The following XKR4 variants were observed in gnomAD, a reference collection of about 807,000 sequenced individuals.
The protein encoded by XKR4 is XK related 4.
XKR4 carries 12 observed loss-of-function variants against 53.9 expected under a neutral mutation model. The ratio of observed to expected loss-of-function variants is 0.22; its 90% CI spans 0.14 to 0.36. The LOEUF is 0.36. XKR4 is among the 10% of genes least tolerant of loss of function. The pLI is 1.00. For missense variants in XKR4, 799 were observed against 859.5 expected (o/e 0.93, Z 0.88); for synonymous variants, 354 against 362.4 (o/e 0.98, Z 0.26).
At chr8:55,185,759 T>G (rs1457964104) in intron 1 of XKR4, among the ~76,000 whole-genome samples, 1 of 152,184 alleles carries the variant, frequency 6.6e-6, no homozygotes, top group East Asian at 1.9e-4. Context: ...GATTATTCAC[T>G]CATTAATGGA....
At chr8:55,439,337 A>AAATTCTCTAAACAGGG (rs11274690) in intron 2 of XKR4, among the ~76,000 whole-genome samples, 83,561 of 151,112 alleles carry the variant, frequency 0.55, 24,685 homozygotes, top group African/African-American at 0.76. Flanking sequence ...TTCCCAATCA[A>AAATTCTCTAAACAGGG]AATTCTCTAA....
chr8:55,173,236 G>A (rs181099470), intron 1 of XKR4, among the ~76,000 whole-genome samples: 1 of 152,094 alleles, frequency 6.6e-6, no homozygotes, highest in African/African-American at 2.4e-5. Flanking sequence ...CAATTGGATG[G>A]GTACTGCACG....
At chr8:55,445,858 G>A (rs184509208) in intron 2 of XKR4, among the ~76,000 whole-genome samples, 7 of 152,330 alleles carry the variant, frequency 4.6e-5, no homozygotes, top group African/African-American at 1.4e-4. Flanking sequence ...ATGTACACAG[G>A]TGTTCAGTAC....
intron 1 of XKR4, among the ~76,000 whole-genome samples, chr8:55,306,582 A>G (rs1250670589): frequency 6.6e-6 from 1 of 152,218 alleles, no homozygotes; most frequent in African/African-American, 2.4e-5. Context: ...CTTGTGCAAG[A>G]AAACTCCCAC....
intron 1 of XKR4, among the ~76,000 whole-genome samples, chr8:55,296,523 C>T (rs1236080772): frequency 2.0e-5 from 3 of 152,054 alleles, no homozygotes; most frequent in Non-Finnish European, 2.9e-5. Flanking sequence ...CTCCAATTTG[C>T]CAATACTATT....
intron 2 of XKR4, among the ~76,000 whole-genome samples, chr8:55,407,300 G>T (rs146127389): frequency 6.6e-6 from 1 of 152,192 alleles, no homozygotes; most frequent in Non-Finnish European, 1.5e-5. Flanking sequence ...GTGTGAAGCG[G>T]GGCTTTCGCA....
intron 2 of XKR4, among the ~76,000 whole-genome samples, chr8:55,374,337 A>G (rs1056382756): frequency 2.6e-5 from 4 of 152,230 alleles, no homozygotes; most frequent in Non-Finnish European, 4.4e-5. Flanking sequence ...CAGCATATGA[A>G]TAAGTGCTTA....
chr8:55,102,439 C>T lies in XKR4; in HGVS notation c.-50C>T. ...AGGAGGTGGCGGGAGGAGGAGACAGCGGGGAAAGGTGTCAGATAAAGGAGG... is the reference window on the plus strand; with the variant it reads ...AGGAGGTGGCGGGAGGAGGAGACAGTGGGGAAAGGTGTCAGATAAAGGAGG... On this transcript the variant is annotated 5_prime_UTR_variant, in exon 1 of 3. Coordinates refer to ENST00000327381, the MANE Select transcript of XKR4 (RefSeq NM_052898.2). The surrounding 1 kb of genome is among the most constrained non-coding windows in gnomAD (Gnocchi z 5.1). 5 of 1,513,664 alleles carry T rather than the reference C, an allele frequency of 3.3e-6. No homozygotes were observed. Among genetic ancestry groups the T allele is most frequent in the African/African-American group, 1.4e-5 (1 of 69,198 alleles). The allele number at this position is 1,513,664 out of a possible 1,614,324, so 93.8% of individuals were successfully genotyped here.
chr8:55,268,084 C>G (rs749226884), intron 1 of XKR4, among the ~76,000 whole-genome samples: 2 of 152,138 alleles, frequency 1.3e-5, no homozygotes, highest in African/African-American at 4.8e-5. Flanking sequence ...ATGTTCATTA[C>G]GCCAACTAAT....
intron 1 of XKR4, among the ~76,000 whole-genome samples, chr8:55,126,015 G>A (rs976755631): frequency 3.6e-4 from 55 of 152,038 alleles, no homozygotes; most frequent in African/African-American, 1.3e-3. Flanking sequence ...TTTTTTATGA[G>A]CAGTTATTAT....
rs1023694474 is a variant in XKR4, at chr8:55,534,350, C to A, written c.*10123C>A. ...ACCTTGGTTACGAGCTCAAAGATCA[C>A]GAATCTGATATTCTTTTTTTTTTTT... On this transcript the variant is annotated 3_prime_UTR_variant, in exon 3 of 3. Transcript: ENST00000327381. 1 of 132,350 alleles carries A rather than the reference C, an allele frequency of 7.6e-6. No homozygotes were observed. The highest frequency in any genetic ancestry group is 1.6e-5 in the Non-Finnish European group (1 of 63,644). The allele number at this position is 132,350 out of a possible 1,614,324, so 8.2% of individuals were successfully genotyped here. A position where few individuals can be genotyped will look rare whatever the true frequency, so the allele number is the denominator to read the frequency against.
intron 2 of XKR4, among the ~76,000 whole-genome samples, chr8:55,441,242 GA>G (rs11393915): frequency 0.11 from 17,185 of 151,264 alleles, 1,546 homozygotes; most frequent in East Asian, 0.37. Context: ...CCTGTCTCAA[GA>G]AAAAACATAA....
At chr8:55,323,343 C>T (rs1015791640) in intron 1 of XKR4, among the ~76,000 whole-genome samples, 3 of 152,170 alleles carry the variant, frequency 2.0e-5, no homozygotes, top group South Asian at 2.1e-4. Flanking sequence ...TACCCCTTTG[C>T]GGTCAATCCT....
At chr8:55,262,181 G>A (rs1030057831) in intron 1 of XKR4, among the ~76,000 whole-genome samples, 2 of 152,176 alleles carry the variant, frequency 1.3e-5, no homozygotes, top group Non-Finnish European at 1.5e-5. Context: ...ATTCTTTAAT[G>A]AAACATGTTA....
intron 2 of XKR4, among the ~76,000 whole-genome samples, chr8:55,417,493 G>T (rs983545578): frequency 6.6e-6 from 1 of 152,150 alleles, no homozygotes; most frequent in Non-Finnish European, 1.5e-5. Context: ...ATAGAATGCA[G>T]ATCCACATAT....
intron 1 of XKR4, among the ~76,000 whole-genome samples, chr8:55,256,468 G>A (rs546414469): frequency 6.6e-6 from 1 of 152,300 alleles, no homozygotes; most frequent in Non-Finnish European, 1.5e-5. Flanking sequence ...ATTGAAGTTG[G>A]GATGGAAAGG....
chr8:55,115,356 T>G (rs984060457), intron 1 of XKR4, among the ~76,000 whole-genome samples: 7 of 149,354 alleles, frequency 4.7e-5, no homozygotes, highest in African/African-American at 1.7e-4. Context: ...GGTTGTTGCT[T>G]GGAAACTTAA....
intron 2 of XKR4, among the ~76,000 whole-genome samples, chr8:55,425,324 G>A (rs989230206): frequency 3.9e-5 from 6 of 152,178 alleles, no homozygotes; most frequent in African/African-American, 1.4e-4. Flanking sequence ...ATGCTCACCT[G>A]GAGGTTGGCC....
intron 1 of XKR4, among the ~76,000 whole-genome samples, chr8:55,147,834 G>C (rs1816790937): frequency 1.3e-5 from 2 of 152,144 alleles, no homozygotes; most frequent in Admixed American, 1.3e-4. Flanking sequence ...TGTGCCAAAA[G>C]AGAAAAATGT....
Sources: gnomAD v4.1 joint callset for allele counts (sites outside exome capture counted in the v4.1 genomes callset) on GRCh38, gnomAD v4.1.1 for gene constraint, Gnocchi (gnomAD v3.1) non-coding constraint, MANE v1.5 for transcripts, NCBI Gene and HGNC (gene_info 2026-07-23, HGNC 2026-07-21) for gene names.